CNOT4: variants seen among roughly 807,000 people sequenced by gnomAD.
CNOT4 encodes the protein CCR4-NOT transcription complex subunit 4.
CNOT4 carries 8 observed loss-of-function variants against 73.8 expected under a neutral mutation model. The ratio of observed to expected loss-of-function variants is 0.11; its 90% CI spans 0.06 to 0.20. CNOT4 has a LOEUF of 0.20. CNOT4 is among the 10% of genes least tolerant of loss of function. The probability of loss-of-function intolerance (pLI) is 1.00; values close to 1 mark genes in which losing one functional copy is unlikely to be tolerated. For synonymous variants in CNOT4, 293 were observed against 321.1 expected, an observed-to-expected ratio of 0.91 and a Z score of 0.94; for missense variants, 564 against 883.4, an observed-to-expected ratio of 0.64 and a Z score of 4.58.
At chr7:135,381,609 A>G (rs1356804150) in intron 10 of CNOT4, among the ~76,000 whole-genome samples, 1 of 152,208 alleles carries the variant, frequency 6.6e-6, no homozygotes, top group Non-Finnish European at 1.5e-5. Context: ...CCTACTGGGT[A>G]AAACACAGAG....
chr7:135,442,602 A>G, intron 1 of CNOT4, among the ~76,000 whole-genome samples: 1 of 152,348 alleles, frequency 6.6e-6, no homozygotes. Context: ...CTTCGTTTCA[A>G]AAATAAATAA....
chr7:135,474,508 C>T (rs1373337560), intron 1 of CNOT4, among the ~76,000 whole-genome samples: 1 of 151,106 alleles, frequency 6.6e-6, no homozygotes, highest in Admixed American at 6.6e-5. Flanking sequence ...AACCTCTGAC[C>T]TCAAGTGATC....
intron 1 of CNOT4, among the ~76,000 whole-genome samples, chr7:135,481,827 G>C (rs896733160): frequency 1.3e-5 from 2 of 152,148 alleles, no homozygotes; most frequent in Non-Finnish European, 2.9e-5. Context: ...AAATAAGCCA[G>C]GCACAGCAAG....
Position 135,413,608 on chromosome 7 carries a change from A to G in CNOT4, c.567T>C (p.Ser189=), listed in dbSNP as rs774718208. 1 of 1,609,924 alleles carries G rather than the reference A, an allele frequency of 6.2e-7. No homozygotes were observed. The highest frequency in any genetic ancestry group is 8.5e-7 in the Non-Finnish European group (1 of 1,177,334). ...VVVDGRTLKA[S]LGTTKYCSYF... ...AACTGCAGTATTTTGTTGTACCTAG[A>G]GATGCCTGCAGGAGGAAGAGGGGTA... Residue 189 remains serine (S), a synonymous_variant, in exon 6 of 12, where the codon TCT becomes TCC. Coordinates refer to ENST00000541284, the MANE Select transcript of CNOT4 (RefSeq NM_001190850.2).
At chr7:135,449,132 G>A (rs1800012100) in intron 1 of CNOT4, among the ~76,000 whole-genome samples, 2 of 152,098 alleles carry the variant, frequency 1.3e-5, no homozygotes, top group Admixed American at 1.3e-4. Context: ...GCAAGACAAA[G>A]TATACGATGC....
intron 2 of CNOT4, among the ~76,000 whole-genome samples, chr7:135,436,844 A>C (rs533837285): frequency 6.6e-6 from 1 of 152,128 alleles, no homozygotes; most frequent in East Asian, 1.9e-4. Context: ...TAAGAAAACT[A>C]AGAGACAGAT....
chr7:135,391,346 C>T (rs1164926517), intron 10 of CNOT4, among the ~76,000 whole-genome samples: 1 of 151,934 alleles, frequency 6.6e-6, no homozygotes, highest in East Asian at 1.9e-4. Flanking sequence ...TACATTAAAA[C>T]TAAAATTTCT....
intron 10 of CNOT4, among the ~76,000 whole-genome samples, chr7:135,376,864 T>A (rs541732707): frequency 6.6e-6 from 1 of 152,340 alleles, no homozygotes; most frequent in Admixed American, 6.5e-5. Context: ...TTCTTCATAA[T>A]CTGGTTATGA....
intron 1 of CNOT4, among the ~76,000 whole-genome samples, chr7:135,499,013 A>AT: frequency 6.6e-6 from 1 of 152,338 alleles, no homozygotes; most frequent in East Asian, 1.9e-4. Context: ...AGAGAATTCA[A>AT]TTATTTTATA....
rs559330023 is a variant in CNOT4, at chr7:135,457,517, T to A, written c.-92-19094A>T. Among the ~76,000 whole-genome samples the A allele has an allele frequency of 7.2e-5, 11 of 152,198 alleles. No individual in the cohort carries two copies. The South Asian group carries it at 2.3e-3, about 32-fold the overall frequency. Reference sequence around the variant, plus strand: ...TGGACAACTAACTATCATTATTACATGCTCAGCCTATTTAAACTTTAAGAA... The same window carrying A: ...TGGACAACTAACTATCATTATTACAAGCTCAGCCTATTTAAACTTTAAGAA... On this transcript the variant is annotated intron_variant, in intron 1 of 11. Transcript: ENST00000541284.
intron 1 of CNOT4, among the ~76,000 whole-genome samples, chr7:135,441,914 T>G (rs71537698): frequency 6.6e-6 from 1 of 152,116 alleles, no homozygotes; most frequent in Non-Finnish European, 1.5e-5. Flanking sequence ...GTAAGTACAT[T>G]TGTGCACCTC....
At chr7:135,436,997 T>C (rs892122852) in intron 2 of CNOT4, among the ~76,000 whole-genome samples, 1 of 152,148 alleles carries the variant, frequency 6.6e-6, no homozygotes, top group Non-Finnish European at 1.5e-5. Flanking sequence ...AATTCCATAA[T>C]AAAGTGGCAG....
intron 1 of CNOT4, among the ~76,000 whole-genome samples, chr7:135,457,924 C>G (rs917617418): frequency 5.3e-5 from 8 of 152,070 alleles, no homozygotes. Context: ...AACATTTCTC[C>G]TTTGTGTAAA....
At chr7:135,482,574 G>T (rs1480681620) in intron 1 of CNOT4, among the ~76,000 whole-genome samples, 1 of 151,270 alleles carries the variant, frequency 6.6e-6, no homozygotes, top group South Asian at 2.1e-4. Context: ...AAAGAAATCC[G>T]GTGGTCCAGA....
intron 2 of CNOT4, among the ~76,000 whole-genome samples, chr7:135,423,386 G>A (rs1474584594): frequency 6.6e-6 from 1 of 150,876 alleles, no homozygotes; most frequent in Non-Finnish European, 1.5e-5. Flanking sequence ...TGGAAACAAG[G>A]AAGGGTGGAA....
chr7:135,389,089 T>C (rs1204573080), intron 10 of CNOT4, among the ~76,000 whole-genome samples: 1 of 145,602 alleles, frequency 6.9e-6, no homozygotes, highest in Non-Finnish European at 1.5e-5. Context: ...ATATTCTAAA[T>C]ATATCCTGAG....
In CNOT4 at chr7:135,496,777, C is replaced by T. The variant is rs1420968054; in HGVS notation, c.-93+13112G>A. Among the ~76,000 whole-genome samples the T allele has an allele frequency of 7.2e-5, 11 of 151,972 alleles. No homozygotes were observed. The East Asian group carries it at 2.1e-3, about 30-fold the overall frequency. On this transcript the variant is annotated intron_variant, in intron 1 of 11. Coordinates refer to ENST00000541284, the MANE Select transcript of CNOT4 (RefSeq NM_001190850.2). ...CACTTCTACCCCTGAAACGTAGGAA[C>T]CCCAAAAGTTTAAGTTGAGTCCACT... is the stretch of plus-strand genomic sequence containing the variant.
intron 1 of CNOT4, among the ~76,000 whole-genome samples, chr7:135,462,795 T>G (rs933695382): frequency 1.3e-5 from 2 of 152,192 alleles, no homozygotes; most frequent in Admixed American, 6.5e-5. Context: ...CTTCGGTCAG[T>G]AAAATGAAGA....
chr7:135,461,347 A>C (rs1339388547), intron 1 of CNOT4, among the ~76,000 whole-genome samples: 1 of 152,170 alleles, frequency 6.6e-6, no homozygotes, highest in Admixed American at 6.5e-5. Context: ...TGGTTTTGCT[A>C]ATGTTCATAA....
Sources: gnomAD v4.1 joint callset for allele counts (sites outside exome capture counted in the v4.1 genomes callset) on GRCh38, gnomAD v4.1.1 for gene constraint, MANE v1.5 for transcripts, NCBI Gene and HGNC (gene_info 2026-07-23, HGNC 2026-07-21) for gene names.